Variants in CAMKMT observed in about 807,000 individuals in gnomAD.
CAMKMT encodes CaM KMT.
In CAMKMT, 53 loss-of-function variants were observed where a neutral mutation model predicts 48.0. That is an observed-to-expected ratio of 1.10 (90% CI 0.89 to 1.39). CAMKMT has a LOEUF of 1.39. CAMKMT is among the 40% of genes most tolerant of loss of function. CAMKMT has a pLI of 0.00. For synonymous variants in CAMKMT, 165 were observed against 152.3 expected (o/e 1.08, Z -0.61); for missense variants, 428 against 402.7 (o/e 1.06, Z -0.54).
chr2:44,475,672 G>T lies in CAMKMT; in HGVS notation c.376+85367G>T, dbSNP rs114959347. On this transcript the variant is annotated intron_variant, in intron 3 of 10. Transcript: ENST00000378494. ...TGTGGCAAGTAGAGCTGGCAACATT[G>T]TGTATATTACAAGGATGGCCTTCAA... is the stretch of plus-strand genomic sequence containing the variant. 9.0e-3 allele frequency among the ~76,000 whole-genome samples: 1,371 copies of T among 152,260 alleles called. 13 individuals carry two copies. Among genetic ancestry groups the T allele is most frequent in the African/African-American group, 0.026 (1,061 of 41,540 alleles).
chr2:44,624,690 G>A lies in CAMKMT; in HGVS notation c.377-79593G>A, dbSNP rs1672382401. ...TTATGGCTGCATGGTATTCCATGGT[G>A]TATATGTGCCACATTTTCTTAATCC... On this transcript the variant is annotated intron_variant, in intron 3 of 10. Coordinates refer to ENST00000378494, the MANE Select transcript of CAMKMT (RefSeq NM_024766.5). Among the ~76,000 whole-genome samples, 5 of 152,198 alleles carry A rather than the reference G, an allele frequency of 3.3e-5. No homozygotes were observed. In the South Asian group the frequency reaches 1.0e-3, roughly 31 times the overall value.
intron 3 of CAMKMT, among the ~76,000 whole-genome samples, chr2:44,666,086 A>T (rs886970066): frequency 2.0e-5 from 3 of 152,230 alleles, no homozygotes; most frequent in African/African-American, 7.2e-5. Flanking sequence ...ATACATCCAG[A>T]TTGAGCTGTT....
chr2:44,655,013 C>A (rs1357362862), intron 3 of CAMKMT, among the ~76,000 whole-genome samples: 1 of 152,046 alleles, frequency 6.6e-6, no homozygotes, highest in Non-Finnish European at 1.5e-5. Context: ...CTGTGATGAA[C>A]TTTCTTATTT....
chr2:44,705,378 G>A (rs1011584513), intron 4 of CAMKMT: 12 of 985,306 alleles, frequency 1.2e-5, no homozygotes, highest in Middle Eastern at 1.0e-3. Context: ...ATATAAATAA[G>A]AACAGGGCAA....
intron 3 of CAMKMT, among the ~76,000 whole-genome samples, chr2:44,569,061 C>T (rs558789099): frequency 4.1e-4 from 62 of 152,262 alleles, no homozygotes; most frequent in African/African-American, 1.5e-3. Context: ...TAATGCTAGA[C>T]AGGTAGAGCC....
chr2:44,676,503 C>CA (rs1329204286), intron 3 of CAMKMT: 1 of 152,296 alleles, frequency 6.6e-6, no homozygotes, highest in Non-Finnish European at 1.5e-5. Context: ...ACCTCTGAGT[C>CA]ATCCTTAAGC....
intron 7 of CAMKMT, among the ~76,000 whole-genome samples, chr2:44,725,627 T>C (rs1403539397): frequency 6.6e-6 from 1 of 152,140 alleles, no homozygotes; most frequent in East Asian, 1.9e-4. Context: ...AGGAAAGAAG[T>C]TGAAGTGGGC....
At chr2:44,538,822 T>C (rs1666924449) in intron 3 of CAMKMT, among the ~76,000 whole-genome samples, 1 of 152,150 alleles carries the variant, frequency 6.6e-6, no homozygotes, top group Admixed American at 6.5e-5. Flanking sequence ...AAAAGTTGCA[T>C]ACCATTTACT....
chr2:44,569,762 A>C (rs904440072), intron 3 of CAMKMT, among the ~76,000 whole-genome samples: 1 of 152,110 alleles, frequency 6.6e-6, no homozygotes, highest in Non-Finnish European at 1.5e-5. Context: ...TGCAGTCATT[A>C]CTCATTTAGT....
At chr2:44,682,174 T>A (rs1676056627) in intron 3 of CAMKMT, among the ~76,000 whole-genome samples, 1 of 152,228 alleles carries the variant, frequency 6.6e-6, no homozygotes, top group Admixed American at 6.5e-5. Context: ...AAATATGTGT[T>A]CACTGACAAA....
intron 3 of CAMKMT, among the ~76,000 whole-genome samples, chr2:44,594,922 G>A (rs916137290): frequency 3.3e-5 from 5 of 152,156 alleles, no homozygotes; most frequent in African/African-American, 1.2e-4. Flanking sequence ...ATCTGACAAA[G>A]GGGTGATATC....
intron 3 of CAMKMT, among the ~76,000 whole-genome samples, chr2:44,456,207 CGTGA>C (rs1667554890): frequency 6.6e-6 from 1 of 152,094 alleles, no homozygotes; most frequent in Admixed American, 6.5e-5. Context: ...TATTTATGTG[CGTGA>C]GTATGAAAAC....
At chr2:44,584,366 A>G (rs1165822033) in intron 3 of CAMKMT, among the ~76,000 whole-genome samples, 2 of 152,202 alleles carry the variant, frequency 1.3e-5, no homozygotes, top group Non-Finnish European at 2.9e-5. Context: ...AGGACCTGGG[A>G]TATTACCTTA....
At chr2:44,430,002 A>G (rs564121509) in intron 3 of CAMKMT, among the ~76,000 whole-genome samples, 224 of 152,160 alleles carry the variant, frequency 1.5e-3, no homozygotes, top group Non-Finnish European at 2.5e-3. Flanking sequence ...AGGACTCTTT[A>G]TAGAGAAGCT....
At chr2:44,576,856 A>T (rs1348746117) in intron 3 of CAMKMT, among the ~76,000 whole-genome samples, 1 of 152,242 alleles carries the variant, frequency 6.6e-6, no homozygotes, top group Non-Finnish European at 1.5e-5. Context: ...CCATGGCTTC[A>T]ACACTAATCA....
At chr2:44,558,329 T>G (rs1668132736) in intron 3 of CAMKMT, among the ~76,000 whole-genome samples, 1 of 152,200 alleles carries the variant, frequency 6.6e-6, no homozygotes, top group African/African-American at 2.4e-5. Flanking sequence ...AGTGAGCCAC[T>G]GTGCCTGGAT....
intron 3 of CAMKMT, among the ~76,000 whole-genome samples, chr2:44,435,198 C>T (rs1420231853): frequency 1.3e-5 from 2 of 152,146 alleles, no homozygotes. Context: ...TGGTCCCTAG[C>T]AACCATTTAG....
At chr2:44,638,034 G>A (rs1673230898) in intron 3 of CAMKMT, among the ~76,000 whole-genome samples, 1 of 143,328 alleles carries the variant, frequency 7.0e-6, no homozygotes, top group East Asian at 2.0e-4. Flanking sequence ...CAGCCTGGGC[G>A]ACCGAGCGAG....
At chr2:44,526,821 T>C (rs900561492) in intron 3 of CAMKMT, among the ~76,000 whole-genome samples, 15 of 152,154 alleles carry the variant, frequency 9.9e-5, no homozygotes, top group African/African-American at 3.4e-4. Flanking sequence ...AGTTTATGCA[T>C]AAAATTAACT....
Sources: allele counts gnomAD v4.1 joint callset (sites outside exome capture counted in the v4.1 genomes callset), GRCh38; gene constraint gnomAD v4.1.1; transcripts MANE v1.5; gene names NCBI Gene and HGNC (gene_info 2026-07-23, HGNC 2026-07-21).